Variants in ADGRF5 observed in about 807,000 individuals in gnomAD.
ADGRF5 encodes adhesion G protein-coupled receptor F5, also known as G-protein coupled receptor 116.
In ADGRF5, 75 loss-of-function variants were observed where a neutral mutation model predicts 132.3. That is an observed-to-expected ratio of 0.57 (90% CI 0.47 to 0.69). The LOEUF (loss-of-function observed/expected upper bound fraction) is 0.69. ADGRF5 is among the 30% of genes least tolerant of loss of function. The pLI, the probability that ADGRF5 is intolerant of heterozygous loss-of-function variation, is 0.00. For synonymous variants in ADGRF5, 629 were observed against 597.6 expected (o/e 1.05, Z -0.77); for missense variants, 1,516 against 1,630.6 (o/e 0.93, Z 1.21).
In ADGRF5 at chr6:46,859,477, T is replaced by C. The variant is rs1156986411; in HGVS notation, c.2426A>G (p.Asn809Ser). The C allele has an allele frequency of 6.2e-7, 1 of 1,613,660 alleles. No homozygotes were observed. Among genetic ancestry groups the C allele is most frequent in the Non-Finnish European group, 8.5e-7 (1 of 1,179,652 alleles). The change falls in exon 17 of 21, where the codon AAC (asparagine) becomes AGC (serine). Residue 809 changes from asparagine to serine, a missense_variant. Physicochemically the swap from Asn to Ser is conservative, Grantham distance 46. Coordinates refer to ENST00000283296, the MANE Select transcript of ADGRF5 (RefSeq NM_001098518.2). ...TTGCTGTTGTAAAACCTTCCAGGTGTTCAAGACGGGCTTGCCAAGGATGAC... is the reference window on the plus strand; with the variant it reads ...TTGCTGTTGTAAAACCTTCCAGGTGCTCAAGACGGGCTTGCCAAGGATGAC... ...VNVILGKPVLNTWKVLQQQWT... is the reference protein window; with the variant it reads ...VNVILGKPVLSTWKVLQQQWT...
chr6:46,867,043 C>A lies in ADGRF5; in HGVS notation c.1716G>T (p.Met572Ile). Residue 572 changes from methionine to isoleucine, a missense_variant, in exon 13 of 21, where the codon ATG (methionine) becomes ATT (isoleucine). Physicochemically the swap from Met to Ile is conservative, Grantham distance 10. Around this residue, in one of 2 missense-constraint regions of ADGRF5, gnomAD observed 945 missense variants for 929.4 expected, o/e 1.02. Transcript: ENST00000283296. ...AAACAGTAGCTTCCAAAGGATCAAC[C>A]ATGATGTTCAGCTTTAGAGGCAGCG... is the stretch of plus-strand genomic sequence containing the variant. Reference protein sequence around the residue: ...VHPLPLKLNIMVDPLEATVSC... With the variant: ...VHPLPLKLNIIVDPLEATVSC... The A allele has an allele frequency of 6.2e-7, 1 of 1,613,682 alleles. No individual in the cohort carries two copies. Among genetic ancestry groups the A allele is most frequent in the Non-Finnish European group, 8.5e-7 (1 of 1,179,610 alleles).
chr6:46,930,103 G>A (rs144791021), intron 1 of ADGRF5, among the ~76,000 whole-genome samples: 2,614 of 151,874 alleles, frequency 0.017, 80 homozygotes, highest in South Asian at 0.13. Context: ...TTACAGGCGT[G>A]AGCCACCGCG....
At position 46,882,041 on chromosome 6, in the gene ADGRF5, A is replaced by G. The variant is rs763112608; in HGVS notation, c.671+8T>C. On this transcript the variant is annotated splice_region_variant and intron_variant, in intron 7 of 20. Transcript: ENST00000283296. ...AAATTAGAAATGATCAAATTAAAGTATTCTTACTTGAACCCTGTCACAGTC... is the reference window on the plus strand; with the variant it reads ...AAATTAGAAATGATCAAATTAAAGTGTTCTTACTTGAACCCTGTCACAGTC... The G allele has an allele frequency of 6.3e-7, 1 of 1,588,884 alleles. No individual in the cohort carries two copies. The highest frequency in any genetic ancestry group is 1.1e-5 in the South Asian group (1 of 90,556).
chr6:46,859,206 G>A lies in ADGRF5; in HGVS notation c.2697C>T (p.Thr899=). ...ENLQSDSSIV[T]MAFPTLQAIL... ...TGGCTTGGAGAGTTGGGAAAGCCAT[G>A]GTGACAATAGACGAATCCGACTGCA... Residue 899 remains threonine, a synonymous_variant, in exon 17 of 21, where the codon ACC becomes ACT. Coordinates refer to ENST00000283296, the MANE Select transcript of ADGRF5 (RefSeq NM_001098518.2). The A allele has an allele frequency of 6.2e-7, 1 of 1,613,962 alleles. No homozygotes were observed. Among genetic ancestry groups the A allele is most frequent in the Non-Finnish European group, 8.5e-7 (1 of 1,179,842 alleles).
At chr6:46,881,737 G>A (rs1355497589) in intron 7 of ADGRF5, 140 bp from the exon 8 acceptor site, 1 of 676,826 alleles carries the variant, frequency 1.5e-6, no homozygotes, top group African/African-American at 1.8e-5. Context: ...CTGGCCAGCA[G>A]GATCTTCTGG....
At chr6:46,896,042 A>G (rs150269793) in intron 3 of ADGRF5, among the ~76,000 whole-genome samples, 3 of 152,140 alleles carry the variant, frequency 2.0e-5, no homozygotes, top group African/African-American at 4.8e-5. Context: ...TTTGGCGAGC[A>G]TTTCCTCTGC....
intron 1 of ADGRF5, among the ~76,000 whole-genome samples, chr6:46,953,338 G>A (rs1490712130): frequency 1.3e-5 from 2 of 152,044 alleles, no homozygotes; most frequent in Non-Finnish European, 2.9e-5. Context: ...ATATTTCACT[G>A]AGGTCGGGCA....
At chr6:46,896,098 C>T (rs186935798) in intron 3 of ADGRF5, among the ~76,000 whole-genome samples, 2 of 152,098 alleles carry the variant, frequency 1.3e-5, no homozygotes, top group East Asian at 1.9e-4. Context: ...TCTAGACTGC[C>T]GAGCCTCCTG....
At chr6:46,949,090 T>C (rs1352721733) in intron 1 of ADGRF5, among the ~76,000 whole-genome samples, 3 of 152,230 alleles carry the variant, frequency 2.0e-5, no homozygotes, top group African/African-American at 4.8e-5. Flanking sequence ...TCAAAGGATT[T>C]TTTTTAATTA....
At chr6:46,914,274 T>C (rs1273708639) in intron 1 of ADGRF5, among the ~76,000 whole-genome samples, 2 of 152,206 alleles carry the variant, frequency 1.3e-5, no homozygotes, top group Admixed American at 6.5e-5. Context: ...CCCTTAAGTG[T>C]AACTTTAAGA....
intron 1 of ADGRF5, among the ~76,000 whole-genome samples, chr6:46,944,920 C>T (rs536393557): frequency 3.4e-4 from 52 of 152,268 alleles, no homozygotes; most frequent in Admixed American, 2.0e-3. Context: ...TGGCTCAGTG[C>T]TTAGGCTCAT....
At chr6:46,928,066 G>A (rs1004669311) in intron 1 of ADGRF5, among the ~76,000 whole-genome samples, 1 of 152,184 alleles carries the variant, frequency 6.6e-6, no homozygotes, top group African/African-American at 2.4e-5. Context: ...GACAACCACA[G>A]GAACATTTGA....
At chr6:46,880,658 G>A (rs532608470) in intron 8 of ADGRF5, among the ~76,000 whole-genome samples, 26 of 152,278 alleles carry the variant, frequency 1.7e-4, no homozygotes, top group South Asian at 6.2e-4. Flanking sequence ...TAGTCTGGCC[G>A]AGCCTTAGTT....
intron 1 of ADGRF5, among the ~76,000 whole-genome samples, chr6:46,951,797 T>C (rs749211490): frequency 1.4e-4 from 21 of 152,218 alleles, no homozygotes; most frequent in Non-Finnish European, 2.9e-4. Context: ...TGCAGGGCAC[T>C]GCTCTCCAGG....
At chr6:46,916,750 G>T (rs1776449632) in intron 1 of ADGRF5, among the ~76,000 whole-genome samples, 1 of 152,172 alleles carries the variant, frequency 6.6e-6, no homozygotes, top group Admixed American at 6.5e-5. Context: ...AATGCCCAGA[G>T]AATATTTAAG....
chr6:46,923,601 G>C (rs1011186072), upstream of ADGRF5, among the ~76,000 whole-genome samples: 6 of 152,196 alleles, frequency 3.9e-5, no homozygotes, highest in Admixed American at 6.5e-5. Context: ...GGCAAATGCT[G>C]CCTTTTTTCC....
Position 46,879,029 on chromosome 6 carries a change from G to A in ADGRF5, c.1037-624C>T, listed in dbSNP as rs527812934. 1.9e-3 allele frequency among the ~76,000 whole-genome samples: 282 copies of A among 152,164 alleles called. 1 individual carries two copies. The highest frequency in any genetic ancestry group is 3.3e-3 in the Non-Finnish European group (227 of 68,008). ...TGAGGGCAGGGAGAACGATGGATAC[G>A]TTCACTCTCTTGATTGTAGTAATGA... On this transcript the variant is annotated intron_variant, in intron 9 of 20. Transcript: ENST00000283296.
At chr6:46,918,914 C>T (rs1776652287) in intron 1 of ADGRF5, among the ~76,000 whole-genome samples, 1 of 152,130 alleles carries the variant, frequency 6.6e-6, no homozygotes, top group African/African-American at 2.4e-5. Context: ...GAATCTCAAC[C>T]CCAGCTGCAT....
At position 46,856,792 on chromosome 6, in the gene ADGRF5, A is replaced by G. The variant is rs748368693; in HGVS notation, c.3817-15T>C. The G allele has an allele frequency of 6.3e-7, 1 of 1,598,024 alleles. No individual in the cohort carries two copies. Among genetic ancestry groups the G allele is most frequent in the South Asian group, 1.1e-5 (1 of 90,578 alleles). ...GCTTCCTGTACCTGCATTGTTAAAAAGAAGCTATCGTAACTTCAACATGCC... is the reference window on the plus strand; with the variant it reads ...GCTTCCTGTACCTGCATTGTTAAAAGGAAGCTATCGTAACTTCAACATGCC... On this transcript the variant is annotated splice_polypyrimidine_tract_variant and intron_variant, in intron 18 of 20. Transcript: ENST00000283296.
Sources: gnomAD v4.1 joint callset for allele counts (sites outside exome capture counted in the v4.1 genomes callset) on GRCh38, gnomAD v4.1.1 for gene constraint, gnomAD v4.1.1 regional missense constraint, MANE v1.5 for transcripts, NCBI Gene and HGNC (gene_info 2026-07-23, HGNC 2026-07-21) for gene names.